The following DYNC2I2 variants were observed in gnomAD, a reference collection of about 807,000 sequenced individuals.
DYNC2I2 encodes the protein cytoplasmic dynein 2 intermediate chain 2.
Under a neutral mutation model 52.0 loss-of-function variants are expected in DYNC2I2, and 39 were observed. That is an observed-to-expected ratio of 0.75 (90% CI 0.58 to 0.98). DYNC2I2 has a LOEUF of 0.98. Ranked by LOEUF, DYNC2I2 falls within the 50% of genes least tolerant of loss-of-function variation. The pLI, the probability that DYNC2I2 is intolerant of heterozygous loss-of-function variation, is 0.00. For missense variants in DYNC2I2, 743 were observed against 728.4 expected (o/e 1.02, Z -0.23); for synonymous variants, 359 against 321.1 (o/e 1.12, Z -1.26).
chr9:128,669,140 C>T, the DYNC2I2 span, among the ~76,000 whole-genome samples: 1,664 of 152,016 alleles, frequency 0.011, 6 homozygotes, highest in Non-Finnish European at 0.018. Context: ...CCGAGGCGGG[C>T]GGATCACGAG....
Position 128,650,073 on chromosome 9 carries a change from C to G in DYNC2I2, c.186+6468G>C, listed in dbSNP as rs1271210860. On this transcript the variant is annotated intron_variant, in intron 1 of 8. Transcript: ENST00000372715. ...ACTAGTGGTTCTAGTGGTTCTCAAACTTTGCTAAGCATTAGAATCATTTAG... is the reference window on the plus strand; with the variant it reads ...ACTAGTGGTTCTAGTGGTTCTCAAAGTTTGCTAAGCATTAGAATCATTTAG... Among the ~76,000 whole-genome samples, 9 of 57,476 alleles carry G rather than the reference C, an allele frequency of 1.6e-4. 4 individuals carry two copies. The highest frequency in any genetic ancestry group is 4.1e-4 in the Admixed American group (2 of 4,896). 37.7% of individuals were successfully genotyped at this position (57,476 alleles called of 152,430 possible).
the DYNC2I2 span, among the ~76,000 whole-genome samples, chr9:128,671,245 G>T: frequency 3.3e-5 from 5 of 151,590 alleles, no homozygotes; most frequent in African/African-American, 4.8e-5. Context: ...ACTACAGGGA[G>T]CTGTGATCCT....
At chr9:128,638,899 C>A (rs1860461664) in intron 2 of DYNC2I2, among the ~76,000 whole-genome samples, 1 of 152,174 alleles carries the variant, frequency 6.6e-6, no homozygotes, top group Non-Finnish European at 1.5e-5. Context: ...CACGCATGAA[C>A]CTATTATTTT....
Position 128,636,427 on chromosome 9 carries a change from C to T in DYNC2I2, c.557G>A (p.Gly186Glu). ...GAAGGACTTAAGCGTGCTCCAGTCC[C>T]CATGGTCCAGCCTGTGCAGGGACAG... is the stretch of plus-strand genomic sequence containing the variant. The part of the protein sequence containing the change: ...VACAYGRLDH[G>E]DWSTLKSFVC... Residue 186 changes from glycine (G) to glutamate (E), a missense_variant, in exon 4 of 9, where the codon GGG becomes GAG. Physicochemically the swap from Gly to Glu is moderately conservative, Grantham distance 98. Coordinates refer to ENST00000372715, the MANE Select transcript of DYNC2I2 (RefSeq NM_052844.4). The T allele has an allele frequency of 1.2e-6, 2 of 1,604,962 alleles. No individual in the cohort carries two copies. The highest frequency in any genetic ancestry group is 1.7e-6 in the Non-Finnish European group (2 of 1,177,956).
chr9:128,656,628 C>A lies in DYNC2I2; in HGVS notation c.99G>T (p.Gly33=), dbSNP rs1236285127. ...TVGVASGPGP[G]RPGPLQDETL... ...TCTCGTCCTGCAGCGGCCCTGGCCG[C>A]CCCGGCCCCGGGCCGCTCGCAACCC... is the stretch of plus-strand genomic sequence containing the variant. The change falls in exon 1 of 9, where the codon GGG becomes GGT. Residue 33 remains glycine, a synonymous_variant. Transcript: ENST00000372715. 6.7e-7 allele frequency: 1 copy of A among 1,499,904 alleles called. No homozygotes were observed. Among genetic ancestry groups the A allele is most frequent in the Admixed American group, 2.2e-5 (1 of 45,080 alleles). 92.9% of individuals were successfully genotyped at this position (1,499,904 alleles called of 1,614,324 possible).
At chr9:128,683,968 G>A in the DYNC2I2 span, 1 of 1,557,140 alleles carries the variant, frequency 6.4e-7, no homozygotes, top group Non-Finnish European at 8.7e-7. Flanking sequence ...TCTGGGACCG[G>A]AGGAGACATC....
In DYNC2I2 at chr9:128,634,263, T is replaced by C. The variant is rs1292730204; in HGVS notation, c.1335A>G (p.Pro445=). 1.2e-6 allele frequency: 2 copies of C among 1,613,880 alleles called. No homozygotes were observed. The highest frequency in any genetic ancestry group is 2.2e-5 in the East Asian group (1 of 44,882). ...CAGCTGCAAAAACCAAGGGCCGCAC[T>C]GGGGACCAGCGCACAGCAAACAGAT... is the stretch of plus-strand genomic sequence containing the variant. ...LKYLFAVRWS[P]VRPLVFAAAS... is the part of the protein sequence containing the mutation. The change falls in exon 8 of 9, where the codon CCA becomes CCG. Residue 445 remains proline, a synonymous_variant. Transcript: ENST00000372715.
chr9:128,644,951 T>C (rs1199295344), intron 1 of DYNC2I2, among the ~76,000 whole-genome samples: 1 of 152,206 alleles, frequency 6.6e-6, no homozygotes, highest in Non-Finnish European at 1.5e-5. Context: ...ATGGTGAACT[T>C]CATCGATAAA....
the DYNC2I2 span, among the ~76,000 whole-genome samples, chr9:128,672,351 G>C: frequency 6.6e-6 from 1 of 151,804 alleles, no homozygotes; most frequent in African/African-American, 2.4e-5. Context: ...GATCCGCCAG[G>C]CCTGGCTAAT....
the DYNC2I2 span, among the ~76,000 whole-genome samples, chr9:128,676,839 G>GTTTTTT: frequency 4.2e-5 from 6 of 144,304 alleles, no homozygotes; most frequent in East Asian, 2.1e-4. Context: ...GGCCCCAGCT[G>GTTTTTT]TTTTTTTTTT....
At chr9:128,647,520 G>A (rs552840939) in intron 1 of DYNC2I2, among the ~76,000 whole-genome samples, 2 of 152,096 alleles carry the variant, frequency 1.3e-5, no homozygotes, top group Non-Finnish European at 2.9e-5. Context: ...TGGATCACGA[G>A]GTCAGGAGAT....
At chr9:128,664,503 T>G in the DYNC2I2 span, among the ~76,000 whole-genome samples, 5 of 151,926 alleles carry the variant, frequency 3.3e-5, no homozygotes, top group African/African-American at 1.2e-4. Flanking sequence ...TTTTTTTTTT[T>G]AGACAGAGTC....
At chr9:128,663,757 G>T in the DYNC2I2 span, among the ~76,000 whole-genome samples, 2 of 145,174 alleles carry the variant, frequency 1.4e-5, no homozygotes, top group African/African-American at 5.1e-5. Context: ...GTGCTCAAGT[G>T]ATCTCCCAGC....
chr9:128,642,771 T>G (rs892717301), intron 1 of DYNC2I2, among the ~76,000 whole-genome samples: 2 of 151,912 alleles, frequency 1.3e-5, no homozygotes, highest in African/African-American at 4.8e-5. Flanking sequence ...AAAAATTACT[T>G]ATTGAGCATC....
At position 128,636,871 on chromosome 9, in the gene DYNC2I2, G is replaced by A. The variant is rs921734716; in HGVS notation, c.545+47C>T. On this transcript the variant is annotated intron_variant, in intron 3 of 8. Coordinates refer to ENST00000372715, the MANE Select transcript of DYNC2I2 (RefSeq NM_052844.4). ...AGCTACAGAGACAAGGCCCAAGGAG[G>A]GTCCTGGGGTGGCGAGCTGCCCCTC... is the stretch of plus-strand genomic sequence containing the variant. 6 of 1,428,238 alleles carry A rather than the reference G, an allele frequency of 4.2e-6. No homozygotes were observed. The African/African-American group carries it at 8.4e-5, about 20-fold the overall frequency. The allele number at this position is 1,428,238 out of a possible 1,614,324, so 88.5% of individuals were successfully genotyped here. A position where few individuals can be genotyped will look rare whatever the true frequency, so the allele number is the denominator to read the frequency against.
At chr9:128,649,626 T>C (rs866337591) in intron 1 of DYNC2I2, among the ~76,000 whole-genome samples, 25 of 145,170 alleles carry the variant, frequency 1.7e-4, no homozygotes, top group African/African-American at 5.0e-4. Context: ...GGGGCAGAGA[T>C]TGCAGTGAGC....
chr9:128,666,537 G>A, the DYNC2I2 span, among the ~76,000 whole-genome samples: 24 of 151,190 alleles, frequency 1.6e-4, no homozygotes, highest in East Asian at 5.9e-4. Flanking sequence ...TGAGGTGGGC[G>A]GATCACTTGA....
intron 1 of DYNC2I2, among the ~76,000 whole-genome samples, chr9:128,654,795 A>T (rs1440286453): frequency 2.0e-5 from 3 of 151,984 alleles, no homozygotes; most frequent in African/African-American, 7.2e-5. Flanking sequence ...CACTCCTCCA[A>T]ATCTTTGCTA....
At position 128,640,914 on chromosome 9, in the gene DYNC2I2, G is replaced by T; in HGVS notation, c.212C>A (p.Ala71Asp). The change falls in exon 2 of 9, where the codon GCC (alanine) becomes GAC (aspartate). Residue 71 changes from alanine (A) to aspartate (D), a missense_variant. Transcript: ENST00000372715. ...ETKSCQTASI[A>D]TASASAQARN... ...GGCCTGGGCGGATGCACTGGCAGTG[G>T]CAATGCTGGCCGTCTGGCAACTTTT... The T allele has an allele frequency of 6.3e-7, 1 of 1,598,510 alleles. No individual in the cohort carries two copies. The highest frequency in any genetic ancestry group is 8.5e-7 in the Non-Finnish European group (1 of 1,170,162).
Sources: allele counts gnomAD v4.1 joint callset (sites outside exome capture counted in the v4.1 genomes callset), GRCh38; gene constraint gnomAD v4.1.1; transcripts MANE v1.5; gene names NCBI Gene and HGNC (gene_info 2026-07-23, HGNC 2026-07-21).